VWF: variants seen among roughly 807,000 people sequenced by gnomAD.
VWF encodes the protein von Willebrand factor, also known as Factor VIII related antigen.
Under a neutral mutation model 308.6 loss-of-function variants are expected in VWF, and 176 were observed. The ratio of observed to expected loss-of-function variants is 0.57; its 90% CI spans 0.50 to 0.65. The LOEUF is 0.65. Ranked by LOEUF, VWF falls within the 30% of genes least tolerant of loss-of-function variation. The probability of loss-of-function intolerance (pLI) is 0.00; values close to 1 mark genes in which losing one functional copy is unlikely to be tolerated. For missense variants in VWF, 3,146 were observed against 3,648.2 expected, an observed-to-expected ratio of 0.86 and a Z score of 3.55; for synonymous variants, 1,385 against 1,443.4, an observed-to-expected ratio of 0.96 and a Z score of 0.92.
chr12:5,950,322 C>A lies in VWF; in HGVS notation c.8156-439G>T, dbSNP rs12811229. Among the ~76,000 whole-genome samples, 458 of 152,236 alleles carry A rather than the reference C, an allele frequency of 3.0e-3. 4 individuals are homozygous for A. Among genetic ancestry groups the A allele is most frequent in the Middle Eastern group, 6.8e-3 (2 of 294 alleles). ...CTTGGGGTAAGAGGAAAGGCGAAGT[C>A]ATGGTGATGTAAGGGCATACCCTGC... On this transcript the variant is annotated intron_variant, in intron 50 of 51. Coordinates refer to ENST00000261405, the MANE Select transcript of VWF (RefSeq NM_000552.5).
At chr12:5,997,089 C>T (rs216905) in intron 34 of VWF, among the ~76,000 whole-genome samples, 30,188 of 152,054 alleles carry the variant, frequency 0.2, 3,246 homozygotes, top group South Asian at 0.25. Flanking sequence ...TCACTCATAG[C>T]CAAGCCTGAG....
rs142318858 is a variant in VWF, at chr12:6,015,511, G to T, written c.5455+578C>A. Reference sequence around the variant, plus strand: ...ACTCACCCAGACCTTCTTCAGCTGGGAGGTGGTCCCTAGACTCTACCACCT... The same window carrying T: ...ACTCACCCAGACCTTCTTCAGCTGGTAGGTGGTCCCTAGACTCTACCACCT... On this transcript the variant is annotated intron_variant, in intron 31 of 51. Coordinates refer to ENST00000261405, the MANE Select transcript of VWF (RefSeq NM_000552.5). Among the ~76,000 whole-genome samples the T allele has an allele frequency of 1.1e-4, 17 of 152,108 alleles. No individual in the cohort carries two copies. In the East Asian group the frequency reaches 2.5e-3, roughly 23 times the overall value.
At chr12:6,089,486 C>T (rs907437121) in intron 6 of VWF, among the ~76,000 whole-genome samples, 4 of 152,080 alleles carry the variant, frequency 2.6e-5, no homozygotes, top group African/African-American at 9.7e-5. Flanking sequence ...AAGCGAGTAG[C>T]TAGGGTACAG....
chr12:6,103,760 A>G (rs964942968), intron 5 of VWF, among the ~76,000 whole-genome samples: 3 of 152,172 alleles, frequency 2.0e-5, no homozygotes. Context: ...ACAAAAAAAA[A>G]TCAACTCAAG....
At chr12:6,116,723 G>A (rs1273080030) in intron 3 of VWF, among the ~76,000 whole-genome samples, 1 of 152,188 alleles carries the variant, frequency 6.6e-6, no homozygotes, top group Non-Finnish European at 1.5e-5. Flanking sequence ...TCGAACCCTG[G>A]AGCCTGCCTC....
chr12:6,055,761 TACACACAC>T (rs35414262), intron 15 of VWF, among the ~76,000 whole-genome samples: 23 of 135,348 alleles, frequency 1.7e-4, no homozygotes, highest in African/African-American at 2.3e-4. Context: ...TATATATGTA[TACACACAC>T]ACACACACAC....
chr12:5,966,994 T>A (rs1372294681), intron 47 of VWF, among the ~76,000 whole-genome samples: 2 of 152,202 alleles, frequency 1.3e-5, no homozygotes, highest in Non-Finnish European at 2.9e-5. Flanking sequence ...AGAACAAGCA[T>A]CGTCAGCATG....
At chr12:6,000,965 C>CA (rs1327240322) in intron 34 of VWF, among the ~76,000 whole-genome samples, 1 of 151,866 alleles carries the variant, frequency 6.6e-6, no homozygotes, top group African/African-American at 2.4e-5. Context: ...GACTAATGTG[C>CA]AAATGTTATA....
chr12:5,991,096 A>C (rs1038439404), intron 38 of VWF, among the ~76,000 whole-genome samples: 2 of 150,966 alleles, frequency 1.3e-5, no homozygotes, highest in East Asian at 3.9e-4. Context: ...GTTTCTTCAT[A>C]GGATTTTTGT....
intron 36 of VWF, 56 bp downstream of exon 36, chr12:5,994,359 G>A: frequency 6.2e-7 from 1 of 1,606,804 alleles, no homozygotes; most frequent in Non-Finnish European, 8.5e-7. Flanking sequence ...AGTAGAGCAA[G>A]TAAGGTTTAT....
intron 16 of VWF, among the ~76,000 whole-genome samples, chr12:6,050,228 A>G (rs1944494150): frequency 6.6e-6 from 1 of 152,192 alleles, no homozygotes; most frequent in South Asian, 2.1e-4. Flanking sequence ...CTCCAGGGCC[A>G]TCTGCAACAG....
Position 6,056,938 on chromosome 12 carries a change from G to A in VWF, c.1864C>T (p.Leu622=). ...VCSCSDGREC[L]CGALASYAAA... is the part of the protein sequence containing the mutation. ...GCATAGCTGGCCAGGGCGCCGCACAGGCACTCGCGGCCGTCCGAGCAGGAG... is the reference window on the plus strand; with the variant it reads ...GCATAGCTGGCCAGGGCGCCGCACAAGCACTCGCGGCCGTCCGAGCAGGAG... The change falls in exon 15 of 52, where the codon CTG becomes TTG. Residue 622 remains leucine (L), a synonymous_variant. Coordinates refer to ENST00000261405, the MANE Select transcript of VWF (RefSeq NM_000552.5). 6.5e-7 allele frequency: 1 copy of A among 1,536,144 alleles called. No homozygotes were observed. Among genetic ancestry groups the A allele is most frequent in the Non-Finnish European group, 8.7e-7 (1 of 1,146,414 alleles).
chr12:6,016,370 C>T (rs552773860), intron 30 of VWF, 138 bp from the exon 31 acceptor site: 48 of 1,451,090 alleles, frequency 3.3e-5, no homozygotes, highest in East Asian at 2.2e-4. Flanking sequence ...TCTGGAGAGA[C>T]GTGGAAGAGC....
At chr12:6,027,531 G>A (rs1197260107) in intron 22 of VWF, among the ~76,000 whole-genome samples, 1 of 152,156 alleles carries the variant, frequency 6.6e-6, no homozygotes, top group African/African-American at 2.4e-5. Flanking sequence ...CTGATCAGAG[G>A]GAGGCAGGAG....
chr12:6,023,651 C>G lies in VWF; in HGVS notation c.3359G>C (p.Trp1120Ser), dbSNP rs267607321. 2 of 1,613,892 alleles carry G rather than the reference C, an allele frequency of 1.2e-6. No homozygotes were observed. Among genetic ancestry groups the G allele is most frequent in the Non-Finnish European group, 1.7e-6 (2 of 1,180,018 alleles). Reference protein sequence around the residue: ...VCAQHGKVVTWRTATLCPQSC... With the variant: ...VCAQHGKVVTSRTATLCPQSC... ...CTCACGGCACAATGTGGCCGTCCTCCAGGTCACCACCTTGCCATGCTGGGC... is the reference window on the plus strand; with the variant it reads ...CTCACGGCACAATGTGGCCGTCCTCGAGGTCACCACCTTGCCATGCTGGGC... Residue 1120 changes from tryptophan to serine, a missense_variant, in exon 25 of 52, where the codon TGG becomes TCG. This residue lies in a region of VWF where 853 missense variants were observed against 1,177.8 expected (regional missense o/e 0.72). Coordinates refer to ENST00000261405, the MANE Select transcript of VWF (RefSeq NM_000552.5).
intron 42 of VWF, among the ~76,000 whole-genome samples, chr12:5,977,889 T>A (rs1452085532): frequency 1.4e-5 from 2 of 147,580 alleles, no homozygotes; most frequent in African/African-American, 2.5e-5. Context: ...ATATATATAT[T>A]ATATATTATA....
intron 40 of VWF, among the ~76,000 whole-genome samples, chr12:5,983,557 G>A (rs796705889): frequency 7.5e-6 from 1 of 133,632 alleles, no homozygotes; most frequent in Non-Finnish European, 1.7e-5. Context: ...GATAGATAGA[G>A]GATAGATGAT....
chr12:5,999,502 AC>A lies in VWF; in HGVS notation c.5843-3281del, dbSNP rs1565824902. ...CACACACACACACACACACACACAC[AC>A]CACTAAGGAAATGACTTTTCTATAC... On this transcript the variant is annotated intron_variant, in intron 34 of 51. Coordinates refer to ENST00000261405, the MANE Select transcript of VWF (RefSeq NM_000552.5). Among the ~76,000 whole-genome samples, 273 of 128,450 alleles carry A rather than the reference AC, an allele frequency of 2.1e-3. 1 individual carries two copies. The highest frequency in any genetic ancestry group is 6.7e-3 in the African/African-American group (240 of 35,844). 84.3% of individuals were successfully genotyped at this position (128,450 alleles called of 152,430 possible). A position where few individuals can be genotyped will look rare whatever the true frequency, so the allele number is the denominator to read the frequency against.
chr12:6,026,583 A>C (rs1944195330), intron 22 of VWF, among the ~76,000 whole-genome samples: 1 of 152,244 alleles, frequency 6.6e-6, no homozygotes. Context: ...ACCTGTCTCC[A>C]TGTTCACCCA....
Sources: allele counts gnomAD v4.1 joint callset (sites outside exome capture counted in the v4.1 genomes callset), GRCh38; gene constraint gnomAD v4.1.1; regional missense constraint gnomAD v4.1.1; transcripts MANE v1.5; gene names NCBI Gene and HGNC (gene_info 2026-07-23, HGNC 2026-07-21).